The following AKAP7 variants were observed in gnomAD, a reference collection of about 807,000 sequenced individuals.
The protein encoded by AKAP7 is A-kinase anchoring protein 7, also known as A kinase (PRKA) anchor protein 7.
In AKAP7, 39 loss-of-function variants were observed where a neutral mutation model predicts 39.5. The observed-to-expected ratio is 0.99, with a 90% confidence interval of 0.76 to 1.29. The LOEUF is 1.29. Ranked by LOEUF, AKAP7 falls within the 50% of genes most tolerant of loss-of-function variation. AKAP7 has a pLI of 0.00. For missense variants in AKAP7, 414 were observed against 407.7 expected, an observed-to-expected ratio of 1.02 and a Z score of -0.13; for synonymous variants, 140 against 139.1, an observed-to-expected ratio of 1.01 and a Z score of -0.05.
At chr6:131,216,460 A>G (rs570767607) in intron 6 of AKAP7, among the ~76,000 whole-genome samples, 62 of 152,288 alleles carry the variant, frequency 4.1e-4, no homozygotes, top group African/African-American at 1.4e-3. Flanking sequence ...ATTCAATGGC[A>G]TTTTCTCTGG....
At chr6:131,149,567 A>C (rs1801747760) in intron 2 of AKAP7, among the ~76,000 whole-genome samples, 1 of 152,222 alleles carries the variant, frequency 6.6e-6, no homozygotes, top group African/African-American at 2.4e-5. Context: ...TCTGGTAGGC[A>C]GAGGTTGCAG....
intron 7 of AKAP7, among the ~76,000 whole-genome samples, chr6:131,262,612 TAA>T (rs1189470333): frequency 7.5e-5 from 11 of 146,030 alleles, no homozygotes; most frequent in Non-Finnish European, 8.9e-5. Context: ...AAATAATTTT[TAA>T]AAAAATATAT....
rs544614469 is a variant in AKAP7 at position 131,172,372 on chromosome 6, CAG to C, written c.589+3102_589+3103del. Among the ~76,000 whole-genome samples the C allele has an allele frequency of 4.5e-3, 691 of 152,192 alleles. 3 individuals carry two copies. The highest frequency in any genetic ancestry group is 7.4e-3 in the Non-Finnish European group (506 of 67,996). ...TTTTTCCCCTTTCCTTTTTTAAAGA[CAG>C]AGTCTTGCTCTGTCACCCAGGCTGG... On this transcript the variant is annotated intron_variant, in intron 5 of 7. Transcript: ENST00000431975.
intron 3 of AKAP7, chr6:131,164,326 T>A (rs192388585): frequency 2.2e-6 from 1 of 454,378 alleles, no homozygotes; most frequent in East Asian, 6.9e-5. Context: ...TACTCACATT[T>A]AGAAGTTGAC....
intron 6 of AKAP7, among the ~76,000 whole-genome samples, chr6:131,201,428 A>G (rs938620773): frequency 2.0e-5 from 3 of 152,188 alleles, no homozygotes; most frequent in Non-Finnish European, 4.4e-5. Context: ...AATATTTAGA[A>G]AACAAATTAT....
At chr6:131,242,078 A>G (rs1483597793) in intron 7 of AKAP7, 2 of 982,814 alleles carry the variant, frequency 2.0e-6, no homozygotes, top group East Asian at 1.1e-4. Context: ...AATATGTTTT[A>G]TATAAAATGC....
At chr6:131,138,821 G>C (rs1262594449) in intron 1 of AKAP7, among the ~76,000 whole-genome samples, 4 of 152,210 alleles carry the variant, frequency 2.6e-5, no homozygotes, top group Non-Finnish European at 2.9e-5. Flanking sequence ...TTCCAGCTGT[G>C]CCTGGCTTCA....
At chr6:131,227,009 A>G (rs754120840) in intron 7 of AKAP7, among the ~76,000 whole-genome samples, 4 of 152,244 alleles carry the variant, frequency 2.6e-5, no homozygotes, top group Non-Finnish European at 5.9e-5. Context: ...CATCTGAGAA[A>G]TGGCAGAGGA....
At chr6:131,144,292 G>T (rs1801302248) in intron 1 of AKAP7, among the ~76,000 whole-genome samples, 1 of 152,048 alleles carries the variant, frequency 6.6e-6, no homozygotes, top group Non-Finnish European at 1.5e-5. Context: ...CTCCCAGACG[G>T]GGTCGTGGCG....
chr6:131,199,491 G>C lies in AKAP7; in HGVS notation c.620G>C (p.Gly207Ala), dbSNP rs376062191. 104 of 1,607,966 alleles carry C rather than the reference G, an allele frequency of 6.5e-5. No homozygotes were observed. In the East Asian group the frequency reaches 1.2e-3, roughly 19 times the overall value. The stretch of plus-strand genomic sequence containing the variant: ...GCAAATAGGACATTTCAAGAAAAAG[G>C]CATCCTGGTAGGAGAGAGCAGAAGT... ...ETANRTFQEK[G>A]ILVGESRSFK... The change falls in exon 6 of 8, where the codon GGC becomes GCC. Residue 207 changes from glycine to alanine, a missense_variant. Physicochemically the swap from Gly to Ala is moderately conservative, Grantham distance 60. Transcript: ENST00000431975.
chr6:131,256,708 C>CATT (rs3836928), intron 7 of AKAP7, among the ~76,000 whole-genome samples: 6,739 of 148,444 alleles, frequency 0.045, 424 homozygotes, highest in African/African-American at 0.15. Context: ...CTTCCTGGGA[C>CATT]ATTATTATTA....
intron 5 of AKAP7, among the ~76,000 whole-genome samples, chr6:131,180,834 G>GTTTT (rs59511934): frequency 9.0e-6 from 1 of 111,052 alleles, no homozygotes; most frequent in Non-Finnish European, 2.2e-5. Flanking sequence ...TGTTTGTTTT[G>GTTTT]TTTTTTTTTT....
At chr6:131,169,331 A>G (rs769439401) in intron 5 of AKAP7, 58 bp downstream of exon 5, 40 of 1,574,648 alleles carry the variant, frequency 2.5e-5, no homozygotes, top group African/African-American at 1.4e-4. Context: ...ATTTTTTTCA[A>G]TTTTGTAACA....
intron 5 of AKAP7, among the ~76,000 whole-genome samples, chr6:131,180,681 C>T (rs1274969197): frequency 3.3e-5 from 5 of 152,178 alleles, no homozygotes; most frequent in African/African-American, 9.7e-5. Flanking sequence ...TAGGCTATGG[C>T]CTACTTCACT....
At chr6:131,189,815 T>C (rs971245999) in intron 5 of AKAP7, among the ~76,000 whole-genome samples, 4 of 152,222 alleles carry the variant, frequency 2.6e-5, no homozygotes, top group African/African-American at 9.6e-5. Context: ...ATTTTCATCT[T>C]CAGTTATAAG....
At chr6:131,141,515 A>G (rs2128224855) in intron 1 of AKAP7, among the ~76,000 whole-genome samples, 1 of 152,334 alleles carries the variant, frequency 6.6e-6, no homozygotes, top group East Asian at 1.9e-4. Flanking sequence ...GGACTGAGAT[A>G]GAAAATTGGT....
chr6:131,184,666 C>T, intron 5 of AKAP7: 1 of 773,162 alleles, frequency 1.3e-6, no homozygotes, highest in South Asian at 1.4e-5. Context: ...CTTTGAGTTC[C>T]CCAGGCAGAA....
At position 131,271,243 on chromosome 6, in the gene AKAP7, G is replaced by GTGAGA. The variant is rs570790133; in HGVS notation, c.851-10286_851-10285insGAGAT. 2.1e-3 allele frequency among the ~76,000 whole-genome samples: 316 copies of GTGAGA among 152,028 alleles called. 1 individual carries two copies. Among genetic ancestry groups the GTGAGA allele is most frequent in the African/African-American group, 7.3e-3 (303 of 41,362 alleles). On this transcript the variant is annotated intron_variant, in intron 7 of 7. Coordinates refer to ENST00000431975, the MANE Select transcript of AKAP7 (RefSeq NM_016377.4). The stretch of plus-strand genomic sequence containing the variant: ...GATTCATTTTAATTTTTATATTGGT[G>GTGAGA]TAAGAGTTGAGGTTCTTTATTTTGC...
intron 5 of AKAP7, chr6:131,185,060 GC>G: frequency 1.4e-6 from 1 of 712,440 alleles, no homozygotes; most frequent in South Asian, 1.4e-5. Context: ...CAGGAAACTT[GC>G]CCAGGCTGTC....
Sources: allele counts gnomAD v4.1 joint callset (sites outside exome capture counted in the v4.1 genomes callset), GRCh38; gene constraint gnomAD v4.1.1; transcripts MANE v1.5; gene names NCBI Gene and HGNC (gene_info 2026-07-23, HGNC 2026-07-21).